MYH11: variants seen among roughly 807,000 people sequenced by gnomAD.
The protein encoded by MYH11 is myosin-11.
A neutral mutation model predicts 246.6 loss-of-function variants in MYH11; 80 were observed. The ratio of observed to expected loss-of-function variants is 0.32; its 90% CI spans 0.27 to 0.39. The LOEUF is 0.39. MYH11 is among the 10% of genes least tolerant of loss of function. The pLI is 1.00. For missense variants in MYH11, 2,158 were observed against 2,546.8 expected (o/e 0.85, Z 3.29); for synonymous variants, 1,071 against 1,015.5 (o/e 1.05, Z -1.04).
chr16:15,775,163 G>C (rs935506726), intron 8 of MYH11, among the ~76,000 whole-genome samples: 1 of 152,180 alleles, frequency 6.6e-6, no homozygotes, highest in African/African-American at 2.4e-5. Context: ...ATATTTTTAA[G>C]AGTTAGTAAA....
At chr16:15,719,033 CAGG>C (rs1300076309) in intron 36 of MYH11, 184 bp downstream of exon 36, 1 of 652,458 alleles carries the variant, frequency 1.5e-6, no homozygotes, top group East Asian at 2.9e-5. Context: ...AAGGCTGAGG[CAGG>C]AGAATTGCTT....
At chr16:15,832,272 T>C (rs913128111) in intron 2 of MYH11, among the ~76,000 whole-genome samples, 1 of 152,144 alleles carries the variant, frequency 6.6e-6, no homozygotes, top group Non-Finnish European at 1.5e-5. Context: ...GGAGTTCCAA[T>C]GAGCAGGGGG....
At chr16:15,732,094 T>C (rs2040979708) in intron 27 of MYH11, among the ~76,000 whole-genome samples, 1 of 152,130 alleles carries the variant, frequency 6.6e-6, no homozygotes, top group Non-Finnish European at 1.5e-5. Context: ...CCCGAGTAGC[T>C]GGGATTACAG....
chr16:15,785,017 T>TC (rs1456929034), intron 5 of MYH11: 1 of 294,882 alleles, frequency 3.4e-6, no homozygotes, highest in East Asian at 6.0e-5. Context: ...GATTTTTTTT[T>TC]TTTTTTTTTT....
chr16:15,788,246 C>T (rs1350881997), intron 4 of MYH11, among the ~76,000 whole-genome samples: 1 of 151,592 alleles, frequency 6.6e-6, no homozygotes. Flanking sequence ...TGTTTATCGT[C>T]TTCTTCTATT....
chr16:15,837,462 G>A (rs1227569376), intron 2 of MYH11, among the ~76,000 whole-genome samples: 1 of 151,882 alleles, frequency 6.6e-6, no homozygotes, highest in Non-Finnish European at 1.5e-5. Flanking sequence ...TTCAAGGGCT[G>A]AGATGTGAAC....
intron 5 of MYH11, 78 bp downstream of exon 5, chr16:15,786,552 C>T: frequency 1.5e-6 from 2 of 1,311,996 alleles, no homozygotes; most frequent in Admixed American, 3.4e-5. Context: ...CAATGATGTT[C>T]TGTTTGTATC....
At chr16:15,714,585 A>T in intron 40 of MYH11, 1 of 485,478 alleles carries the variant, frequency 2.1e-6, no homozygotes, top group Non-Finnish European at 3.8e-6. Context: ...GGATGTCGTG[A>T]AGACTCAGTG....
chr16:15,717,647 T>G, intron 37 of MYH11: 3 of 470,936 alleles, frequency 6.4e-6, no homozygotes, highest in Non-Finnish European at 1.2e-5. Context: ...ATACAAAAAT[T>G]AGCCGGGCAG....
At chr16:15,853,269 C>A (rs1458465105) in intron 1 of MYH11, among the ~76,000 whole-genome samples, 2 of 152,150 alleles carry the variant, frequency 1.3e-5, no homozygotes, top group Admixed American at 1.3e-4. Context: ...CCTCACTCAA[C>A]CTCCTGAATA....
intron 27 of MYH11, among the ~76,000 whole-genome samples, chr16:15,730,002 A>C (rs918316328): frequency 6.6e-6 from 1 of 152,000 alleles, no homozygotes; most frequent in Non-Finnish European, 1.5e-5. Flanking sequence ...GGCAGTTTCT[A>C]ATGGTTTAGC....
At chr16:15,763,143 T>TA (rs146830584) in intron 10 of MYH11, among the ~76,000 whole-genome samples, 3 of 152,112 alleles carry the variant, frequency 2.0e-5, no homozygotes, top group East Asian at 1.9e-4. Flanking sequence ...AATTAAAATT[T>TA]AAAAAAAGGT....
Position 15,740,778 on chromosome 16 carries a change from G to T in MYH11, c.2860-590C>A, listed in dbSNP as rs539208587. ...GCCTAATTCTCCTCCCCTTGAGTGG[G>T]GGTTAGATTTGCTTCTAACAACAAC... On this transcript the variant is annotated intron_variant, in intron 22 of 40. Coordinates refer to ENST00000300036, the MANE Select transcript of MYH11 (RefSeq NM_002474.3). Among the ~76,000 whole-genome samples, 4 of 152,122 alleles carry T rather than the reference G, an allele frequency of 2.6e-5. No individual in the cohort carries two copies. The South Asian group carries it at 8.3e-4, about 32-fold the overall frequency.
rs2040436843 is a variant in MYH11 at position 15,720,909 on chromosome 16, C to A, written c.4721G>T (p.Gly1574Val). ...RLEVNMQALK[G>V]QFERDLQARD... is the part of the protein sequence containing the mutation. ...GGCTTGGAGATCCCTTTCGAACTGG[C>A]CCTTGAGCGCCTGCATGTTGACTTC... Residue 1574 changes from glycine to valine, a missense_variant, in exon 33 of 41, where the codon GGC (glycine) becomes GTC (valine). By Grantham distance (109) the Gly-to-Val change is moderately radical. This residue lies in a region of MYH11 where 1,013 missense variants were observed against 993.5 expected (regional missense o/e 1.02). Coordinates refer to ENST00000300036, the MANE Select transcript of MYH11 (RefSeq NM_002474.3). 6.2e-7 allele frequency: 1 copy of A among 1,613,866 alleles called. No homozygotes were observed. Among genetic ancestry groups the A allele is most frequent in the Admixed American group, 1.7e-5 (1 of 59,964 alleles).
chr16:15,759,631 C>A lies in MYH11; in HGVS notation c.1346G>T (p.Arg449Leu), dbSNP rs775520228. The A allele has an allele frequency of 6.2e-7, 1 of 1,614,050 alleles. No homozygotes were observed. The highest frequency in any genetic ancestry group is 8.5e-7 in the Non-Finnish European group (1 of 1,180,032). ...GATCCCCAGGAAGGAAGCCCCTTGCCGATGGGTCTTGTCCAGGGCTTTGTT... is the reference window on the plus strand; with the variant it reads ...GATCCCCAGGAAGGAAGCCCCTTGCAGATGGGTCTTGTCCAGGGCTTTGTT... ...RVNKALDKTH[R>L]QGASFLGILD... Residue 449 changes from arginine (R) to leucine (L), a missense_variant, in exon 12 of 41, where the codon CGG becomes CTG. Around this residue, in one of 11 missense-constraint regions of MYH11, gnomAD observed 317 missense variants for 507.7 expected, o/e 0.62. Transcript: ENST00000300036.
At chr16:15,743,365 C>T (rs929713249) in intron 20 of MYH11, among the ~76,000 whole-genome samples, 8 of 152,010 alleles carry the variant, frequency 5.3e-5, no homozygotes, top group Non-Finnish European at 5.9e-5. Context: ...GATAGGGTTT[C>T]GCCATGTTGG....
chr16:15,719,512 A>G, intron 35 of MYH11, 73 bp downstream of exon 35: 1 of 1,607,524 alleles, frequency 6.2e-7, no homozygotes, highest in Non-Finnish European at 8.5e-7. Context: ...CTGGGAATGC[A>G]CAGACTGGAG....
chr16:15,710,102 G>A (rs1400913676), intron 40 of MYH11, among the ~76,000 whole-genome samples: 1 of 152,190 alleles, frequency 6.6e-6, no homozygotes, highest in Non-Finnish European at 1.5e-5. Flanking sequence ...CCTTCCACCT[G>A]CATTATGTGT....
chr16:15,761,483 C>G (rs1461997914), intron 10 of MYH11, among the ~76,000 whole-genome samples: 4 of 152,114 alleles, frequency 2.6e-5, no homozygotes, highest in African/African-American at 9.7e-5. Context: ...AGTTACTGTT[C>G]AATAAATATT....
Sources: gnomAD v4.1 joint callset for allele counts (sites outside exome capture counted in the v4.1 genomes callset) on GRCh38, gnomAD v4.1.1 for gene constraint, gnomAD v4.1.1 regional missense constraint, MANE v1.5 for transcripts, NCBI Gene and HGNC (gene_info 2026-07-23, HGNC 2026-07-21) for gene names.